MYOZ2: variants seen among roughly 807,000 people sequenced by gnomAD.
MYOZ2 encodes the protein myozenin-2.
A neutral mutation model predicts 25.4 loss-of-function variants in MYOZ2; 19 were observed. The ratio of observed to expected loss-of-function variants is 0.75; its 90% CI spans 0.52 to 1.10. The LOEUF (loss-of-function observed/expected upper bound fraction) is 1.10, where lower values mean the gene tolerates loss of function less well. MYOZ2 is among the 50% of genes least tolerant of loss of function. The pLI is 0.00. For missense variants in MYOZ2, 270 were observed against 317.9 expected, an observed-to-expected ratio of 0.85 and a Z score of 1.15; for synonymous variants, 92 against 106.9, an observed-to-expected ratio of 0.86 and a Z score of 0.86.
chr4:119,166,315 A>G lies in MYOZ2; in HGVS notation c.560+1921A>G, dbSNP rs184968150. ...GGTGCGTATGTACAGGCTGGGGTAC[A>G]TGCCTGTAATCCCAGCACTTTGAGA... On this transcript the variant is annotated intron_variant, in intron 5 of 5. Coordinates refer to ENST00000307128, the MANE Select transcript of MYOZ2 (RefSeq NM_016599.5). Among the ~76,000 whole-genome samples, 33 of 152,230 alleles carry G rather than the reference A, an allele frequency of 2.2e-4. No individual in the cohort carries two copies. In the East Asian group the frequency reaches 3.7e-3, roughly 17 times the overall value.
chr4:119,156,706 A>G (rs141664560), intron 3 of MYOZ2, among the ~76,000 whole-genome samples: 26 of 152,308 alleles, frequency 1.7e-4, no homozygotes, highest in African/African-American at 6.0e-4. Flanking sequence ...TCAATATTTT[A>G]TAAGTATAAT....
At chr4:119,179,670 C>T (rs1041284521) in intron 5 of MYOZ2, among the ~76,000 whole-genome samples, 1 of 152,072 alleles carries the variant, frequency 6.6e-6, no homozygotes, top group Non-Finnish European at 1.5e-5. Context: ...ATATCTGAGA[C>T]TGGATAATTC....
chr4:119,171,818 C>G (rs200384539), intron 5 of MYOZ2, among the ~76,000 whole-genome samples: 6 of 55,062 alleles, frequency 1.1e-4, no homozygotes, highest in Non-Finnish European at 2.7e-4. Context: ...AACACACAAA[C>G]ACACACACAC....
At chr4:119,174,765 AGTGGAAGCTTT>A (rs1742021318) in intron 5 of MYOZ2, among the ~76,000 whole-genome samples, 2 of 152,108 alleles carry the variant, frequency 1.3e-5, no homozygotes, top group African/African-American at 4.8e-5. Context: ...CCTTCCACAC[AGTGGAAGCTTT>A]GTTCTTTCAC....
At chr4:119,143,367 T>C (rs1741216182) in intron 2 of MYOZ2, among the ~76,000 whole-genome samples, 1 of 152,070 alleles carries the variant, frequency 6.6e-6, no homozygotes, top group African/African-American at 2.4e-5. Flanking sequence ...GGCTAATTTT[T>C]GTATTTTTAG....
At chr4:119,181,779 T>G (rs1029481226) in intron 5 of MYOZ2, among the ~76,000 whole-genome samples, 1 of 152,120 alleles carries the variant, frequency 6.6e-6, no homozygotes, top group South Asian at 2.1e-4. Context: ...CAGAAAAGAA[T>G]GAACAACTAT....
chr4:119,155,141 T>C (rs976037937), intron 3 of MYOZ2, among the ~76,000 whole-genome samples: 4 of 152,012 alleles, frequency 2.6e-5, no homozygotes, highest in African/African-American at 7.2e-5. Context: ...CTTTTAACAA[T>C]CAATTCTCAT....
intron 3 of MYOZ2, among the ~76,000 whole-genome samples, chr4:119,152,801 C>T (rs1340578858): frequency 6.6e-6 from 1 of 152,094 alleles, no homozygotes; most frequent in Non-Finnish European, 1.5e-5. Flanking sequence ...TATTGAGTTA[C>T]ATAACATACT....
At chr4:119,182,962 A>C (rs1428518013) in intron 5 of MYOZ2, among the ~76,000 whole-genome samples, 1 of 152,224 alleles carries the variant, frequency 6.6e-6, no homozygotes, top group Non-Finnish European at 1.5e-5. Context: ...CAGACTATAC[A>C]TATTTATGTT....
intron 4 of MYOZ2, among the ~76,000 whole-genome samples, 184 bp downstream of exon 4, chr4:119,158,335 C>G (rs1741631715): frequency 6.6e-6 from 1 of 152,100 alleles, no homozygotes; most frequent in East Asian, 1.9e-4. Context: ...GTGGGTGGAT[C>G]ACCTGAGCCC....
chr4:119,157,229 C>T (rs1408452198), intron 3 of MYOZ2, among the ~76,000 whole-genome samples: 2 of 152,098 alleles, frequency 1.3e-5, no homozygotes, highest in East Asian at 3.8e-4. Flanking sequence ...TTAAAATACA[C>T]ATATTTCCTA....
In MYOZ2 at chr4:119,187,744, T is replaced by C. The variant is rs1440792887; in HGVS notation, c.*1544T>C. On this transcript the variant is annotated 3_prime_UTR_variant, in exon 6 of 6. Transcript: ENST00000307128. ...AGGCTCCCATCATGCCATTTTTTGT[T>C]CATTTTAATCTTTAAAAAATAAAAA... is the stretch of plus-strand genomic sequence containing the variant. 6.6e-6 allele frequency: 1 copy of C among 152,212 alleles called. No homozygotes were observed. The highest frequency in any genetic ancestry group is 2.4e-5 in the African/African-American group (1 of 41,462). 9.4% of individuals were successfully genotyped at this position (152,212 alleles called of 1,614,324 possible).
intron 5 of MYOZ2, among the ~76,000 whole-genome samples, chr4:119,168,146 G>A (rs1411701166): frequency 6.6e-6 from 1 of 152,050 alleles, no homozygotes; most frequent in Non-Finnish European, 1.5e-5. Flanking sequence ...CTAATTTTTT[G>A]TATTTTTAGT....
chr4:119,185,809 G>A (rs992669234), intron 5 of MYOZ2, among the ~76,000 whole-genome samples, 157 bp from the exon 6 acceptor site: 3 of 151,958 alleles, frequency 2.0e-5, no homozygotes, highest in Non-Finnish European at 4.4e-5. Flanking sequence ...TGCCTCAGAG[G>A]TCACAAAATG....
intron 4 of MYOZ2, among the ~76,000 whole-genome samples, chr4:119,161,007 T>A (rs1741696427): frequency 6.6e-6 from 1 of 152,060 alleles, no homozygotes; most frequent in Non-Finnish European, 1.5e-5. Context: ...CCTGTCTAGC[T>A]ATAATTTTGC....
chr4:119,168,174 G>T (rs1457644643), intron 5 of MYOZ2, among the ~76,000 whole-genome samples: 1 of 152,088 alleles, frequency 6.6e-6, no homozygotes, highest in Non-Finnish European at 1.5e-5. Context: ...GGGTTTCACT[G>T]TGTTAGCCAG....
At chr4:119,171,625 A>G (rs1001354144) in intron 5 of MYOZ2, among the ~76,000 whole-genome samples, 1 of 151,256 alleles carries the variant, frequency 6.6e-6, no homozygotes, top group Non-Finnish European at 1.5e-5. Flanking sequence ...ACATGATTTT[A>G]TTTTATCAAA....
At chr4:119,160,936 T>A in intron 4 of MYOZ2, among the ~76,000 whole-genome samples, 1 of 14,322 alleles carries the variant, frequency 7.0e-5, no homozygotes. Flanking sequence ...AATTTATATA[T>A]AAATAACTGT....
intron 3 of MYOZ2, among the ~76,000 whole-genome samples, chr4:119,151,793 T>C (rs1480760941): frequency 6.6e-6 from 1 of 152,122 alleles, no homozygotes; most frequent in East Asian, 1.9e-4. Flanking sequence ...GAAAAGATCA[T>C]GATGACTTCA....
Sources: gnomAD v4.1 joint callset for allele counts (sites outside exome capture counted in the v4.1 genomes callset) on GRCh38, gnomAD v4.1.1 for gene constraint, MANE v1.5 for transcripts, NCBI Gene and HGNC (gene_info 2026-07-23, HGNC 2026-07-21) for gene names.